WDPCP: variants seen among roughly 807,000 people sequenced by gnomAD.
The protein encoded by WDPCP is WD repeat containing planar cell polarity effector, also known as WD repeat-containing and planar cell polarity effector protein fritz homolog.
In WDPCP, 71 loss-of-function variants were observed where a neutral mutation model predicts 93.1. The observed-to-expected ratio is 0.76, with a 90% CI of 0.63 to 0.93. The LOEUF is 0.93. Among genes scored for constraint, WDPCP ranks in the 40% least tolerant of loss-of-function variants. The pLI is 0.00. For missense variants in WDPCP, 844 were observed against 887.4 expected, an observed-to-expected ratio of 0.95 and a Z score of 0.62; for synonymous variants, 315 against 315.0, an observed-to-expected ratio of 1.00 and a Z score of 0.00.
intron 13 of WDPCP, among the ~76,000 whole-genome samples, chr2:63,301,711 A>C (rs1685345872): frequency 6.6e-6 from 1 of 152,156 alleles, no homozygotes; most frequent in Non-Finnish European, 1.5e-5. Flanking sequence ...GGAACTATAG[A>C]GGGAAAACAG....
At chr2:63,206,676 T>C (rs959997851) in intron 14 of WDPCP, among the ~76,000 whole-genome samples, 1 of 152,102 alleles carries the variant, frequency 6.6e-6, no homozygotes, top group African/African-American at 2.4e-5. Context: ...TGGGCTCAAG[T>C]GATCCTCCTG....
chr2:63,446,404 T>G (rs538125605), intron 6 of WDPCP, among the ~76,000 whole-genome samples: 4 of 152,330 alleles, frequency 2.6e-5, no homozygotes, highest in African/African-American at 9.6e-5. Context: ...TCTGGCAACG[T>G]CTAGAGACAC....
At chr2:63,746,779 T>C (rs1474123656) in intron 2 of WDPCP, among the ~76,000 whole-genome samples, 1 of 152,194 alleles carries the variant, frequency 6.6e-6, no homozygotes, top group Admixed American at 6.5e-5. Context: ...TTATCAATGA[T>C]AATGCGTGCA....
intron 6 of WDPCP, among the ~76,000 whole-genome samples, chr2:63,468,757 G>A (rs1699513441): frequency 6.6e-6 from 1 of 151,932 alleles, no homozygotes; most frequent in Non-Finnish European, 1.5e-5. Context: ...CTTCTTTCTT[G>A]CCAACAGCTC....
chr2:63,156,867 T>C (rs1672293346), intron 15 of WDPCP, among the ~76,000 whole-genome samples: 1 of 152,218 alleles, frequency 6.6e-6, no homozygotes, highest in African/African-American at 2.4e-5. Flanking sequence ...ATTTCTTCTT[T>C]AGTACAGTGT....
intron 2 of WDPCP, among the ~76,000 whole-genome samples, chr2:63,676,680 A>G (rs1575744971): frequency 6.6e-6 from 1 of 152,150 alleles, no homozygotes; most frequent in South Asian, 2.1e-4. Context: ...AAGAAAGAGG[A>G]TGGGTATGGC....
chr2:63,670,517 G>A (rs1292632367), intron 2 of WDPCP, among the ~76,000 whole-genome samples: 1 of 152,188 alleles, frequency 6.6e-6, no homozygotes, highest in Non-Finnish European at 1.5e-5. Flanking sequence ...CCAGGTCTGG[G>A]ACCATGAGGG....
intron 13 of WDPCP, among the ~76,000 whole-genome samples, chr2:63,282,546 A>G (rs1002026146): frequency 1.3e-5 from 2 of 152,192 alleles, no homozygotes; most frequent in Non-Finnish European, 2.9e-5. Context: ...GATCGATGGA[A>G]CAGAATAGAG....
intron 3 of WDPCP, among the ~76,000 whole-genome samples, chr2:63,644,519 G>C (rs1710025718): frequency 6.6e-6 from 1 of 152,130 alleles, no homozygotes; most frequent in Non-Finnish European, 1.5e-5. Flanking sequence ...TGGGATTACA[G>C]GCGTGAGCCA....
intron 13 of WDPCP, among the ~76,000 whole-genome samples, chr2:63,271,502 CT>C (rs911942509): frequency 6.6e-6 from 1 of 152,200 alleles, no homozygotes; most frequent in African/African-American, 2.4e-5. Context: ...TAGGTCTCCC[CT>C]GGTCACTGGC....
intron 12 of WDPCP, among the ~76,000 whole-genome samples, chr2:63,318,968 A>AAG (rs1686878145): frequency 6.6e-6 from 1 of 152,202 alleles, no homozygotes; most frequent in Admixed American, 6.5e-5. Context: ...AGTTTAAAAA[A>AAG]AGAAAAAGCT....
intron 13 of WDPCP, among the ~76,000 whole-genome samples, chr2:63,300,830 T>G (rs1450166910): frequency 6.6e-6 from 1 of 152,150 alleles, no homozygotes; most frequent in Non-Finnish European, 1.5e-5. Flanking sequence ...CATTTCCAGG[T>G]CTCTGCCCTT....
At chr2:63,837,221 T>C in the WDPCP span, among the ~76,000 whole-genome samples, 1 of 152,230 alleles carries the variant, frequency 6.6e-6, no homozygotes, top group African/African-American at 2.4e-5. Flanking sequence ...AGACAACTCA[T>C]TCATTAGTAG....
intron 1 of WDPCP, among the ~76,000 whole-genome samples, chr2:63,539,414 TA>T (rs1209280498): frequency 6.6e-6 from 1 of 151,568 alleles, no homozygotes; most frequent in Non-Finnish European, 1.5e-5. Context: ...AAATGATGGT[TA>T]AAAAAAAATT....
intron 3 of WDPCP, among the ~76,000 whole-genome samples, chr2:63,623,030 G>A (rs991410581): frequency 6.6e-6 from 1 of 152,172 alleles, no homozygotes; most frequent in Non-Finnish European, 1.5e-5. Context: ...GCGCAGCCCC[G>A]CTCAACATTC....
At chr2:63,264,443 TC>T in intron 13 of WDPCP, among the ~76,000 whole-genome samples, 2 of 152,234 alleles carry the variant, frequency 1.3e-5, no homozygotes, top group Non-Finnish European at 1.5e-5. Context: ...ATCGAGACCA[TC>T]CTGGCTAACA....
At chr2:63,642,708 T>C (rs1430115073) in intron 3 of WDPCP, 1 of 152,020 alleles carries the variant, frequency 6.6e-6, no homozygotes, top group Non-Finnish European at 1.5e-5. Flanking sequence ...TGTGCATATG[T>C]CTGTGTGTGT....
At chr2:63,426,543 A>G (rs2105398191) in intron 9 of WDPCP, among the ~76,000 whole-genome samples, 1 of 152,326 alleles carries the variant, frequency 6.6e-6, no homozygotes, top group South Asian at 2.1e-4. Flanking sequence ...AGAGGTCCTT[A>G]AGGGAGTGCT....
intron 1 of WDPCP, among the ~76,000 whole-genome samples, chr2:63,575,984 C>G (rs1208870080): frequency 6.6e-6 from 1 of 152,042 alleles, no homozygotes; most frequent in Admixed American, 6.6e-5. Context: ...TTTACAGGCA[C>G]ACAGTTAAGT....
Sources: gnomAD v4.1 joint callset for allele counts (sites outside exome capture counted in the v4.1 genomes callset) on GRCh38, gnomAD v4.1.1 for gene constraint, MANE v1.5 for transcripts, NCBI Gene and HGNC (gene_info 2026-07-23, HGNC 2026-07-21) for gene names.